Variants in TRIM16 observed in about 807,000 individuals in gnomAD.
TRIM16 encodes tripartite motif-containing protein 16.
TRIM16 carries 33 observed loss-of-function variants against 50.4 expected under a neutral mutation model. The ratio of observed to expected loss-of-function variants is 0.65; its 90% CI spans 0.50 to 0.88. The LOEUF (loss-of-function observed/expected upper bound fraction) is 0.88, where lower values mean the gene tolerates loss of function less well. Ranked by LOEUF, TRIM16 falls within the 40% of genes least tolerant of loss-of-function variation. The pLI is 0.00. For synonymous variants in TRIM16, 229 were observed against 270.7 expected (o/e 0.85, Z 1.51); for missense variants, 581 against 686.8 (o/e 0.85, Z 1.72).
intron 6 of TRIM16, among the ~76,000 whole-genome samples, chr17:15,664,066 T>C (rs1273343596): frequency 6.6e-6 from 1 of 152,228 alleles, no homozygotes; most frequent in South Asian, 2.1e-4. Context: ...GCAAAACAGG[T>C]TCTAGGAGCC....
chr17:15,637,126 G>T lies in TRIM16; in HGVS notation c.616-857C>A, dbSNP rs1460970124. Reference sequence around the variant, plus strand: ...GTCCGGGAGGGAGGTGGGGGGGGGGGGTCAGCCCCCCGCCCGGCCAGCCGC... The same window carrying T: ...GTCCGGGAGGGAGGTGGGGGGGGGGTGTCAGCCCCCCGCCCGGCCAGCCGC... On this transcript the variant is annotated intron_variant, in intron 8 of 11. Transcript: ENST00000649191. Among the ~76,000 whole-genome samples the T allele has an allele frequency of 5.9e-5, 8 of 136,636 alleles. 1 individual carries two copies. The East Asian group carries it at 1.1e-3, about 19-fold the overall frequency. The allele number at this position is 136,636 out of a possible 152,430, so 89.6% of individuals were successfully genotyped here.
At chr17:15,676,431 C>CTTT (rs57392285) in intron 6 of TRIM16, among the ~76,000 whole-genome samples, 3 of 125,730 alleles carry the variant, frequency 2.4e-5, no homozygotes, top group South Asian at 2.6e-4. Flanking sequence ...AGAATTTTTT[C>CTTT]TTTTTTTTTT....
intron 9 of TRIM16, among the ~76,000 whole-genome samples, chr17:15,634,631 C>CGAAA (rs1986630296): frequency 1.2e-5 from 1 of 82,736 alleles, no homozygotes; most frequent in African/African-American, 4.8e-5. Flanking sequence ...AACTCAGTCT[C>CGAAA]AAAAAAAAAA....
intron 7 of TRIM16, among the ~76,000 whole-genome samples, chr17:15,647,664 C>T (rs1334456981): frequency 1.3e-5 from 2 of 152,132 alleles, no homozygotes; most frequent in African/African-American, 2.4e-5. Context: ...GATTAGAGTC[C>T]AAGCTCCTGG....
intron 6 of TRIM16, among the ~76,000 whole-genome samples, chr17:15,667,982 G>A (rs897824110): frequency 6.6e-6 from 1 of 151,586 alleles, no homozygotes; most frequent in Non-Finnish European, 1.5e-5. Context: ...TATAACCCTT[G>A]AGTGATCTCA....
In TRIM16 at chr17:15,660,770, C is replaced by T. The variant is rs58075329; in HGVS notation, c.-337-8824G>A. On this transcript the variant is annotated intron_variant, in intron 6 of 11. Coordinates refer to ENST00000649191, the MANE Select transcript of TRIM16 (RefSeq NM_001348119.1). ...AAAATTAGCCGGGCGTGGTGGCAGG[C>T]GCCTGTAGTCCCAGCTACTTGGGAG... Among the ~76,000 whole-genome samples, 1,149 of 151,840 alleles carry T rather than the reference C, an allele frequency of 7.6e-3. 12 individuals are homozygous for T. The highest frequency in any genetic ancestry group is 0.027 in the African/African-American group (1,103 of 41,392).
At chr17:15,678,635 T>C (rs1406382090) in intron 4 of TRIM16, among the ~76,000 whole-genome samples, 1 of 152,214 alleles carries the variant, frequency 6.6e-6, no homozygotes, top group East Asian at 1.9e-4. Flanking sequence ...TATCAATCTA[T>C]ATACCCACTC....
intron 6 of TRIM16, among the ~76,000 whole-genome samples, chr17:15,665,981 A>T (rs916466822): frequency 2.0e-5 from 3 of 152,138 alleles, no homozygotes; most frequent in African/African-American, 7.3e-5. Flanking sequence ...GCACCCAACT[A>T]GATTACAAAT....
intron 6 of TRIM16, among the ~76,000 whole-genome samples, chr17:15,655,086 G>A (rs1296159520): frequency 6.6e-6 from 1 of 152,130 alleles, no homozygotes; most frequent in Non-Finnish European, 1.5e-5. Flanking sequence ...TGGTTTTCAT[G>A]TCTCCAGCCA....
At chr17:15,635,379 T>C (rs1307702776) in intron 9 of TRIM16, among the ~76,000 whole-genome samples, 2 of 148,906 alleles carry the variant, frequency 1.3e-5, no homozygotes, top group Admixed American at 6.6e-5. Flanking sequence ...TTCCAATGGC[T>C]TACGGTTTGA....
At chr17:15,633,715 TA>T (rs1256732649) in intron 9 of TRIM16, among the ~76,000 whole-genome samples, 1 of 148,386 alleles carries the variant, frequency 6.7e-6, no homozygotes, top group African/African-American at 2.5e-5. Context: ...TAATTTTTTT[TA>T]TTTTTAGTAG....
intron 6 of TRIM16, among the ~76,000 whole-genome samples, chr17:15,656,536 G>A (rs1369824858): frequency 6.6e-6 from 1 of 151,358 alleles, no homozygotes; most frequent in East Asian, 2.0e-4. Flanking sequence ...CTAGACCATC[G>A]CCCCTCCCCA....
At chr17:15,645,230 A>T (rs972668683) in intron 7 of TRIM16, among the ~76,000 whole-genome samples, 3 of 152,238 alleles carry the variant, frequency 2.0e-5, no homozygotes, top group African/African-American at 7.2e-5. Flanking sequence ...GAGATAACGT[A>T]TGTCAATAAG....
chr17:15,646,043 T>C lies in TRIM16; in HGVS notation c.520-3227A>G, dbSNP rs202142289. Among the ~76,000 whole-genome samples the C allele has an allele frequency of 3.2e-4, 49 of 152,254 alleles. No homozygotes were observed. The East Asian group carries it at 7.7e-3, about 24-fold the overall frequency. The stretch of plus-strand genomic sequence containing the variant: ...CAACAGGCTCCTACAACACGGCATC[T>C]AAACAGCAGGGACAGAAGAATGTGT... On this transcript the variant is annotated intron_variant, in intron 7 of 11. Coordinates refer to ENST00000649191, the MANE Select transcript of TRIM16 (RefSeq NM_001348119.1).
At chr17:15,674,608 A>C (rs1988850723) in intron 6 of TRIM16, among the ~76,000 whole-genome samples, 1 of 152,014 alleles carries the variant, frequency 6.6e-6, no homozygotes, top group Non-Finnish European at 1.5e-5. Context: ...GGAAGCTTGA[A>C]TCCCTCAAGC....
chr17:15,674,627 C>G (rs1262216580), intron 6 of TRIM16, among the ~76,000 whole-genome samples: 2 of 152,140 alleles, frequency 1.3e-5, no homozygotes, highest in South Asian at 4.1e-4. Flanking sequence ...GCCCACAGAT[C>G]GAATGCTCTC....
chr17:15,641,251 CAG>C (rs1987103840), intron 8 of TRIM16, among the ~76,000 whole-genome samples: 1 of 147,852 alleles, frequency 6.8e-6, no homozygotes, highest in Non-Finnish European at 1.5e-5. Flanking sequence ...AGAAACAGTA[CAG>C]AGAGGAGAGG....
chr17:15,630,005 T>C (rs1013251185), intron 11 of TRIM16, among the ~76,000 whole-genome samples: 48 of 152,346 alleles, frequency 3.2e-4, no homozygotes, highest in Admixed American at 2.2e-3. Context: ...AGTCGTGTTA[T>C]TCTAGCTTAA....
chr17:15,669,160 A>G (rs1988623010), intron 6 of TRIM16, among the ~76,000 whole-genome samples: 1 of 152,028 alleles, frequency 6.6e-6, no homozygotes, highest in African/African-American at 2.4e-5. Flanking sequence ...TAGAGTATAA[A>G]CTAGTACAGC....
Sources: allele counts gnomAD v4.1 joint callset (sites outside exome capture counted in the v4.1 genomes callset), GRCh38; gene constraint gnomAD v4.1.1; transcripts MANE v1.5; gene names NCBI Gene and HGNC (gene_info 2026-07-23, HGNC 2026-07-21).